Variants in SALL3 observed in about 807,000 individuals in gnomAD.
The protein encoded by SALL3 is sal-like protein 3.
In SALL3, 25 loss-of-function variants were observed where a neutral mutation model predicts 66.2. The ratio of observed to expected loss-of-function variants is 0.38; its 90% CI spans 0.28 to 0.53. The LOEUF (loss-of-function observed/expected upper bound fraction) is 0.53, where lower values mean the gene tolerates loss of function less well. SALL3 is among the 20% of genes least tolerant of loss of function. The pLI is 0.85. For missense variants in SALL3, 2,194 were observed against 1,916.5 expected (o/e 1.14, Z -2.70); for synonymous variants, 1,152 against 899.1 (o/e 1.28, Z -5.03).
rs1184632297 is a variant in SALL3 at position 78,991,910 on chromosome 18, G to T, written c.83-164G>T. 5 of 507,388 alleles carry T rather than the reference G, an allele frequency of 9.9e-6. No individual in the cohort carries two copies. In the East Asian group the frequency reaches 1.7e-4, roughly 17 times the overall value. 31.4% of individuals were successfully genotyped at this position (507,388 alleles called of 1,614,324 possible). ...ATTTGATGGATTGGGCTAAGAAAAT[G>T]ATTAGCTAGCTAGAAAGAGTCATAG... On this transcript the variant is annotated intron_variant, in intron 1 of 2. Transcript: ENST00000537592.
rs1914743908 is a variant in SALL3, at chr18:78,997,573, A to AG, written c.*253dup. On this transcript the variant is annotated 3_prime_UTR_variant, in exon 3 of 3. Coordinates refer to ENST00000537592, the MANE Select transcript of SALL3 (RefSeq NM_171999.4). The stretch of plus-strand genomic sequence containing the variant: ...AAAAAAGTGCTTGGAAAACCGCCTT[A>AG]GGAACAGAAAGAGCTCAGACCATGT... 7.0e-5 allele frequency: 37 copies of AG among 528,606 alleles called. No homozygotes were observed. The East Asian group carries it at 1.1e-3, about 16-fold the overall frequency. The allele number at this position is 528,606 out of a possible 1,614,324, so 32.7% of individuals were successfully genotyped here.
Position 78,997,470 on chromosome 18 carries a change from C to T in SALL3, c.*148C>T. 1 of 703,506 alleles carries T rather than the reference C, an allele frequency of 1.4e-6. No homozygotes were observed. The highest frequency in any genetic ancestry group is 2.4e-6 in the Non-Finnish European group (1 of 423,820). The allele number at this position is 703,506 out of a possible 1,614,324, so 43.6% of individuals were successfully genotyped here. ...CTGCCGAGAGGTGGTCTTGTAAGCG[C>T]TGCATGGCGCTCCCTTCAACAGCAA... is the stretch of plus-strand genomic sequence containing the variant. On this transcript the variant is annotated 3_prime_UTR_variant, in exon 3 of 3. Transcript: ENST00000537592.
At chr18:78,990,581 T>C (rs1294810434) in intron 1 of SALL3, among the ~76,000 whole-genome samples, 2 of 152,260 alleles carry the variant, frequency 1.3e-5, no homozygotes, top group African/African-American at 4.8e-5. Flanking sequence ...TCCAGAACCC[T>C]AAACATCAAC....
intron 1 of SALL3, among the ~76,000 whole-genome samples, chr18:78,985,712 G>C (rs946520940): frequency 1.3e-5 from 2 of 152,180 alleles, no homozygotes; most frequent in African/African-American, 4.8e-5. Context: ...CCCCTCTAGA[G>C]CTATTTACAT....
In SALL3 at chr18:78,994,774, C is replaced by T. The variant is rs767241104; in HGVS notation, c.2783C>T (p.Pro928Leu). The T allele has an allele frequency of 1.3e-5, 21 of 1,599,238 alleles. 1 individual carries two copies. In the Middle Eastern group the frequency reaches 1.1e-3, roughly 84 times the overall value. The change falls in exon 2 of 3, where the codon CCC becomes CTC. Residue 928 changes from proline (P) to leucine (L), a missense_variant. Transcript: ENST00000537592. Reference protein sequence around the residue: ...KSPGLGAPEEPQEIPLKTERP... With the variant: ...KSPGLGAPEELQEIPLKTERP... Reference sequence around the variant, plus strand: ...CCGGGCCTGGGCGCCCCGGAGGAGCCCCAGGAAATCCCGCTCAAGACCGAG... The same window carrying T: ...CCGGGCCTGGGCGCCCCGGAGGAGCTCCAGGAAATCCCGCTCAAGACCGAG...
At chr18:78,982,445 C>T (rs1469148530) in intron 1 of SALL3, among the ~76,000 whole-genome samples, 1 of 152,208 alleles carries the variant, frequency 6.6e-6, no homozygotes, top group Non-Finnish European at 1.5e-5. Flanking sequence ...CTTGGTCGAG[C>T]AGCTCACATG....
chr18:78,994,122 A>G lies in SALL3; in HGVS notation c.2131A>G (p.Ile711Val). The change falls in exon 2 of 3, where the codon ATC becomes GTC. Residue 711 changes from isoleucine (I) to valine (V), a missense_variant. Physicochemically the swap from Ile to Val is conservative, Grantham distance 29. Transcript: ENST00000537592. ...GGGGGAGCGGCCGTTCAAGTGCAAG[A>G]TCTGCGGCCGCGCCTTCACCACCAA... ...HTGERPFKCK[I>V]CGRAFTTKGN... The G allele has an allele frequency of 6.2e-7, 1 of 1,612,934 alleles. No individual in the cohort carries two copies. The highest frequency in any genetic ancestry group is 8.5e-7 in the Non-Finnish European group (1 of 1,179,972).
In SALL3 at chr18:78,994,307, G is replaced by A. The variant is rs768953683; in HGVS notation, c.2316G>A (p.Pro772=). The A allele has an allele frequency of 5.7e-5, 92 of 1,613,526 alleles. 1 individual carries two copies. Among genetic ancestry groups the A allele is most frequent in the South Asian group, 2.1e-4 (19 of 91,086 alleles). Residue 772 remains proline, a synonymous_variant, in exon 2 of 3, where the codon CCG becomes CCA. Coordinates refer to ENST00000537592, the MANE Select transcript of SALL3 (RefSeq NM_171999.4). ...GCCAGATCCCCAACACGCCGCTGCC[G>A]GAGGGCTTCCAGGATGCCATGGACT... ...MGGQIPNTPL[P]EGFQDAMDSE...
rs1427761979 is a variant in SALL3, at chr18:78,993,072, C to G, written c.1081C>G (p.Pro361Ala). Residue 361 changes from proline (P) to alanine (A), a missense_variant, in exon 2 of 3, where the codon CCG becomes GCG. By Grantham distance (27) the Pro-to-Ala change is conservative. Coordinates refer to ENST00000537592, the MANE Select transcript of SALL3 (RefSeq NM_171999.4). ...LLGAAPGLPS[P>A]LLPQTSASGV... Reference sequence around the variant, plus strand: ...GGGTGCGGCGCCCGGCCTGCCAAGTCCGCTTCTACCTCAGACTTCCGCCAG... The same window carrying G: ...GGGTGCGGCGCCCGGCCTGCCAAGTGCGCTTCTACCTCAGACTTCCGCCAG... The G allele has an allele frequency of 6.3e-7, 1 of 1,595,494 alleles. No individual in the cohort carries two copies. The highest frequency in any genetic ancestry group is 8.5e-7 in the Non-Finnish European group (1 of 1,176,050).
chr18:78,983,603 TG>T (rs1914147241), intron 1 of SALL3, among the ~76,000 whole-genome samples: 1 of 152,200 alleles, frequency 6.6e-6, no homozygotes, highest in South Asian at 2.1e-4. Flanking sequence ...AATTTACCAG[TG>T]GTTTTCACAG....
chr18:78,994,831 G>T lies in SALL3; in HGVS notation c.2840G>T (p.Ser947Ile), dbSNP rs758106013. The change falls in exon 2 of 3, where the codon AGC becomes ATC. Residue 947 changes from serine (S) to isoleucine (I), a missense_variant. Transcript: ENST00000537592. ...RPDSPAAAPG[S>I]GGAPGRAGIK... is the part of the protein sequence containing the mutation. The stretch of plus-strand genomic sequence containing the variant: ...GACAGCCCAGCCGCCGCCCCGGGCA[G>T]CGGAGGCGCCCCTGGCCGCGCGGGC... 19 of 1,597,196 alleles carry T rather than the reference G, an allele frequency of 1.2e-5. No homozygotes were observed. Among genetic ancestry groups the T allele is most frequent in the Non-Finnish European group, 6.8e-6 (8 of 1,172,510 alleles).
Position 78,992,586 on chromosome 18 carries a change from G to A in SALL3, c.595G>A (p.Ala199Thr). Residue 199 changes from alanine to threonine, a missense_variant, in exon 2 of 3, where the codon GCT becomes ACT. Coordinates refer to ENST00000537592, the MANE Select transcript of SALL3 (RefSeq NM_171999.4). Reference protein sequence around the residue: ...GGSGAGGGVAAAAVPLILEQL... With the variant: ...GGSGAGGGVATAAVPLILEQL... ...CTCGGGAGCAGGTGGAGGCGTGGCAGCTGCAGCCGTGCCCCTGATCCTGGA... is the reference window on the plus strand; with the variant it reads ...CTCGGGAGCAGGTGGAGGCGTGGCAACTGCAGCCGTGCCCCTGATCCTGGA... 1 of 1,508,702 alleles carries A rather than the reference G, an allele frequency of 6.6e-7. No homozygotes were observed. Among genetic ancestry groups the A allele is most frequent in the South Asian group, 1.2e-5 (1 of 82,148 alleles). The allele number at this position is 1,508,702 out of a possible 1,614,324, so 93.5% of individuals were successfully genotyped here.
rs1174834913 is a variant in SALL3 at position 78,992,355 on chromosome 18, G to A, written c.364G>A (p.Gly122Ser). Reference protein sequence around the residue: ...AEEAGAEGAEGEARPVEKEAE... With the variant: ...AEEAGAEGAESEARPVEKEAE... ...GGAGGCGGGTGCGGAGGGCGCGGAG[G>A]GCGAGGCCAGGCCGGTGGAGAAGGA... The change falls in exon 2 of 3, where the codon GGC becomes AGC. Residue 122 changes from glycine to serine, a missense_variant. Physicochemically the swap from Gly to Ser is moderately conservative, Grantham distance 56. Coordinates refer to ENST00000537592, the MANE Select transcript of SALL3 (RefSeq NM_171999.4). 3.7e-6 allele frequency: 5 copies of A among 1,358,270 alleles called. No homozygotes were observed. In the Admixed American group the frequency reaches 1.6e-4, roughly 42 times the overall value. 84.1% of individuals were successfully genotyped at this position (1,358,270 alleles called of 1,614,324 possible). A position where few individuals can be genotyped will look rare whatever the true frequency, so the allele number is the denominator to read the frequency against.
intron 1 of SALL3, chr18:78,985,151 G>A (rs1914202006): frequency 6.6e-6 from 1 of 152,254 alleles, no homozygotes; most frequent in Non-Finnish European, 1.5e-5. Flanking sequence ...GCCACTAGAT[G>A]TCAAGCTCAT....
Position 78,995,064 on chromosome 18 carries a change from C to T in SALL3, c.3073C>T (p.Leu1025=). ...STMGNLKQHL[L]THRLKELPSQ... The stretch of plus-strand genomic sequence containing the variant: ...TATGGGTAATTTAAAACAGCACTTA[C>T]TGACACACAGATTGAAAGAGCTGCC... Residue 1025 remains leucine (L), a synonymous_variant, in exon 2 of 3, where the codon CTG becomes TTG. Transcript: ENST00000537592. The T allele has an allele frequency of 1.9e-6, 3 of 1,613,884 alleles. No individual in the cohort carries two copies. Among genetic ancestry groups the T allele is most frequent in the Non-Finnish European group, 2.5e-6 (3 of 1,180,032 alleles).
chr18:78,995,142 A>C lies in SALL3; in HGVS notation c.3151A>C (p.Ser1051Arg), dbSNP rs778534898. 6.2e-7 allele frequency: 1 copy of C among 1,613,650 alleles called. No homozygotes were observed. The highest frequency in any genetic ancestry group is 8.5e-7 in the Non-Finnish European group (1 of 1,180,012). The change falls in exon 2 of 3, where the codon AGC becomes CGC. Residue 1051 changes from serine (S) to arginine (R), a missense_variant. Transcript: ENST00000537592. Reference protein sequence around the residue: ...FALGPSQSTPSLISSAAPTMI... With the variant: ...FALGPSQSTPRLISSAAPTMI... ...TCTAGGTCCCAGCCAAAGCACTCCT[A>C]GCCTGATCTCCAGCGCCGCACCCAC...
At position 78,992,912 on chromosome 18, in the gene SALL3, G is replaced by GCCCAGCGCGCCCGCCGCC. The variant is rs1315089155; in HGVS notation, c.930_947dup (p.Pro311_Ala316dup). On this transcript the variant is annotated inframe_insertion, in exon 2 of 3. Coordinates refer to ENST00000537592, the MANE Select transcript of SALL3 (RefSeq NM_171999.4). The stretch of plus-strand genomic sequence containing the variant: ...CCAGCACCCCCGGCGGCCCTGCGGA[G>GCCCAGCGCGCCCGCCGCC]CCCAGCGCGCCCGCCGCCCCCAGCG... The GCCCAGCGCGCCCGCCGCC allele has an allele frequency of 2.5e-5, 25 of 986,988 alleles. No individual in the cohort carries two copies. The highest frequency in any genetic ancestry group is 3.0e-5 in the Non-Finnish European group (25 of 832,816). 61.1% of individuals were successfully genotyped at this position (986,988 alleles called of 1,614,324 possible).
rs1363116238 is a variant in SALL3 at position 78,994,162 on chromosome 18, C to T, written c.2171C>T (p.Thr724Met). The T allele has an allele frequency of 3.7e-6, 6 of 1,613,004 alleles. No homozygotes were observed. The highest frequency in any genetic ancestry group is 1.3e-5 in the African/African-American group (1 of 74,946). ...RAFTTKGNLK[T>M]HFGVHRAKPP... Reference sequence around the variant, plus strand: ...TTCACCACCAAGGGCAACCTCAAGACGCACTTCGGCGTGCACCGTGCAAAG... The same window carrying T: ...TTCACCACCAAGGGCAACCTCAAGATGCACTTCGGCGTGCACCGTGCAAAG... Residue 724 changes from threonine to methionine, a missense_variant, in exon 2 of 3, where the codon ACG becomes ATG. Coordinates refer to ENST00000537592, the MANE Select transcript of SALL3 (RefSeq NM_171999.4).
rs778334113 is a variant in SALL3 at position 78,997,273 on chromosome 18, G to A, written c.3854G>A (p.Arg1285His). 32 of 1,613,808 alleles carry A rather than the reference G, an allele frequency of 2.0e-5. No individual in the cohort carries two copies. Among genetic ancestry groups the A allele is most frequent in the Admixed American group, 1.0e-4 (6 of 60,010 alleles). The change falls in exon 3 of 3, where the codon CGC becomes CAC. Residue 1285 changes from arginine to histidine, a missense_variant. Arg to His is a conservative substitution (Grantham distance 29). Transcript: ENST00000537592. ...DKASSETAAS[R>H]PFTRFIEDNK... ...GCGAGCTCAGAAACAGCAGCCAGCC[G>A]CCCATTCACGCGGTTTATCGAGGAT... is the stretch of plus-strand genomic sequence containing the variant.
Sources: gnomAD v4.1 joint callset for allele counts (sites outside exome capture counted in the v4.1 genomes callset) on GRCh38, gnomAD v4.1.1 for gene constraint, MANE v1.5 for transcripts, NCBI Gene and HGNC (gene_info 2026-07-23, HGNC 2026-07-21) for gene names.